The following PHLPP1 variants were observed in gnomAD, a reference collection of about 807,000 sequenced individuals.
The protein encoded by PHLPP1 is PH domain and leucine rich repeat protein phosphatase 1.
PHLPP1 carries 42 observed loss-of-function variants against 117.2 expected under a neutral mutation model. The observed-to-expected ratio is 0.36, with a 90% CI of 0.28 to 0.46. The LOEUF (loss-of-function observed/expected upper bound fraction) is 0.46. PHLPP1 is among the 20% of genes least tolerant of loss of function. The pLI is 1.00. For synonymous variants in PHLPP1, 1,042 were observed against 970.7 expected (o/e 1.07, Z -1.37); for missense variants, 2,084 against 2,241.9 (o/e 0.93, Z 1.42).
chr18:62,719,672 T>C (rs1222082872), intron 1 of PHLPP1, among the ~76,000 whole-genome samples: 1 of 152,212 alleles, frequency 6.6e-6, no homozygotes, highest in Non-Finnish European at 1.5e-5. Flanking sequence ...ATTGGTAATT[T>C]TATACATAAC....
In PHLPP1 at chr18:62,804,582, TAAAAG is replaced by T. The variant is rs1913883106; in HGVS notation, c.1577-25448_1577-25444del. Among the ~76,000 whole-genome samples, 6 of 151,940 alleles carry T rather than the reference TAAAAG, an allele frequency of 3.9e-5. No individual in the cohort carries two copies. The South Asian group carries it at 1.2e-3, about 32-fold the overall frequency. On this transcript the variant is annotated intron_variant, in intron 1 of 16. Coordinates refer to ENST00000262719, the MANE Select transcript of PHLPP1 (RefSeq NM_194449.4). ...AGGCAACAGAGTGAGAAAAAGAAAA[TAAAAG>T]AAAAAGTAATTGTTAGAGGCTTTTT...
chr18:62,719,479 T>C (rs143683615), intron 1 of PHLPP1, among the ~76,000 whole-genome samples: 1 of 152,328 alleles, frequency 6.6e-6, no homozygotes, highest in Admixed American at 6.5e-5. Flanking sequence ...ACTCCACATA[T>C]AGTGAAGGTT....
chr18:62,907,548 G>A (rs1161804561), intron 8 of PHLPP1, among the ~76,000 whole-genome samples: 1 of 140,182 alleles, frequency 7.1e-6, no homozygotes, highest in Non-Finnish European at 1.5e-5. Flanking sequence ...CTGGAAGAAA[G>A]GGTATCAGCA....
At chr18:62,842,498 A>G (rs1249415940) in intron 3 of PHLPP1, among the ~76,000 whole-genome samples, 1 of 151,934 alleles carries the variant, frequency 6.6e-6, no homozygotes, top group Non-Finnish European at 1.5e-5. Context: ...AGTAGCTGGG[A>G]TTACAGGCGT....
intron 9 of PHLPP1, among the ~76,000 whole-genome samples, chr18:62,918,205 CAAAAAAA>C (rs11317555): frequency 2.5e-5 from 2 of 80,624 alleles, no homozygotes; most frequent in African/African-American, 9.8e-5. Flanking sequence ...GACTCTGTCT[CAAAAAAA>C]AAAAAAAAAA....
At chr18:62,905,037 G>C (rs1317085692) in intron 7 of PHLPP1, among the ~76,000 whole-genome samples, 187 bp from the exon 8 acceptor site, 2 of 152,204 alleles carry the variant, frequency 1.3e-5, no homozygotes, top group Non-Finnish European at 2.9e-5. Context: ...CTCTGAAGAA[G>C]ATCTTGTGAT....
intron 1 of PHLPP1, among the ~76,000 whole-genome samples, chr18:62,738,131 GA>G (rs1409138759): frequency 9.6e-5 from 14 of 145,760 alleles, no homozygotes; most frequent in African/African-American, 2.5e-4. Flanking sequence ...AAATATTCAG[GA>G]AAAAAAAAAC....
chr18:62,948,943 T>G (rs1035021589), intron 12 of PHLPP1, among the ~76,000 whole-genome samples: 2 of 152,172 alleles, frequency 1.3e-5, no homozygotes, highest in Non-Finnish European at 2.9e-5. Context: ...CCTATGAAAG[T>G]CTTCATTGTA....
chr18:62,896,059 T>C, intron 6 of PHLPP1, 48 bp downstream of exon 6: 1 of 1,176,834 alleles, frequency 8.5e-7, no homozygotes, highest in Non-Finnish European at 1.3e-6. Flanking sequence ...TGGCTTATAT[T>C]GCAGGGGTGG....
intron 1 of PHLPP1, among the ~76,000 whole-genome samples, chr18:62,789,386 A>G (rs113638142): frequency 6.8e-4 from 103 of 152,278 alleles, no homozygotes; most frequent in African/African-American, 2.0e-3. Context: ...TGATCAAATG[A>G]CAGATTTAGT....
At position 62,755,111 on chromosome 18, in the gene PHLPP1, G is replaced by GT. The variant is rs879932983; in HGVS notation, c.1576+37858dup. On this transcript the variant is annotated intron_variant, in intron 1 of 16. Transcript: ENST00000262719. The stretch of plus-strand genomic sequence containing the variant: ...AACTGACATAGTGAAATTAGCTGAT[G>GT]TTTTTTGTAGGAAGTAGAGGTTTAG... Among the ~76,000 whole-genome samples the GT allele has an allele frequency of 3.5e-4, 53 of 152,088 alleles. 1 individual carries two copies. The highest frequency in any genetic ancestry group is 7.5e-4 in the Non-Finnish European group (51 of 68,024).
intron 12 of PHLPP1, among the ~76,000 whole-genome samples, chr18:62,954,557 C>G (rs1012299017): frequency 2.0e-5 from 3 of 152,170 alleles, no homozygotes; most frequent in Admixed American, 1.3e-4. Context: ...GTGTTGCTCA[C>G]TGTGTTAACA....
At position 62,970,753 on chromosome 18, in the gene PHLPP1, A is replaced by G. The variant is rs553281367; in HGVS notation, c.3561-1761A>G. Among the ~76,000 whole-genome samples, 3 of 152,270 alleles carry G rather than the reference A, an allele frequency of 2.0e-5. No individual in the cohort carries two copies. In the South Asian group the frequency reaches 6.2e-4, roughly 32 times the overall value. ...GCACTCCAGCCTGTGTGACAGAGTGAGACTCCATCTCAAAAAAAAATGAAA... is the reference window on the plus strand; with the variant it reads ...GCACTCCAGCCTGTGTGACAGAGTGGGACTCCATCTCAAAAAAAAATGAAA... On this transcript the variant is annotated intron_variant, in intron 14 of 16. Transcript: ENST00000262719.
chr18:62,945,447 A>G (rs1332779572), intron 12 of PHLPP1, among the ~76,000 whole-genome samples, 176 bp downstream of exon 12: 1 of 152,236 alleles, frequency 6.6e-6, no homozygotes, highest in Admixed American at 6.5e-5. Context: ...CGGCAGAGTT[A>G]AAAAACAAAG....
chr18:62,761,899 G>C (rs778416264), intron 1 of PHLPP1, among the ~76,000 whole-genome samples: 1 of 151,928 alleles, frequency 6.6e-6, no homozygotes, highest in Non-Finnish European at 1.5e-5. Flanking sequence ...ATGAGCTGCC[G>C]CACTGGTCCT....
intron 13 of PHLPP1, among the ~76,000 whole-genome samples, chr18:62,961,733 A>C (rs1252697510): frequency 6.6e-6 from 1 of 152,182 alleles, no homozygotes; most frequent in African/African-American, 2.4e-5. Context: ...CTTTGAAAAA[A>C]AGATTTAGCT....
At chr18:62,940,974 AC>A (rs1473895308) in intron 10 of PHLPP1, among the ~76,000 whole-genome samples, 1 of 152,174 alleles carries the variant, frequency 6.6e-6, no homozygotes, top group Non-Finnish European at 1.5e-5. Context: ...CTGACTTTGA[AC>A]TTTATATAGT....
intron 10 of PHLPP1, among the ~76,000 whole-genome samples, chr18:62,937,638 G>A (rs1419125700): frequency 2.0e-5 from 3 of 152,174 alleles, no homozygotes; most frequent in Admixed American, 6.5e-5. Context: ...GCCAAATAAT[G>A]TTACTTTCTC....
At chr18:62,719,269 G>A (rs1191741958) in intron 1 of PHLPP1, among the ~76,000 whole-genome samples, 1 of 152,160 alleles carries the variant, frequency 6.6e-6, no homozygotes, top group African/African-American at 2.4e-5. Context: ...TGATTGTTGC[G>A]AAGTTGTCTA....
Sources: allele counts gnomAD v4.1 joint callset (sites outside exome capture counted in the v4.1 genomes callset), GRCh38; gene constraint gnomAD v4.1.1; transcripts MANE v1.5; gene names NCBI Gene and HGNC (gene_info 2026-07-23, HGNC 2026-07-21).